NPEPPS: variants seen among roughly 807,000 people sequenced by gnomAD.
NPEPPS encodes aminopeptidase puromycin sensitive.
In NPEPPS, 14 loss-of-function variants were observed where a neutral mutation model predicts 115.5. The ratio of observed to expected loss-of-function variants is 0.12; its 90% CI spans 0.08 to 0.19. NPEPPS has a LOEUF of 0.19. Among genes scored for constraint, NPEPPS ranks in the 10% least tolerant of loss-of-function variants. The pLI is 1.00. For synonymous variants in NPEPPS, 285 were observed against 390.6 expected (o/e 0.73, Z 3.19); for missense variants, 523 against 1,110.8 (o/e 0.47, Z 7.52).
At chr17:47,619,292 G>A (rs779759457) in intron 21 of NPEPPS, 128 bp downstream of exon 21, 43 of 933,994 alleles carry the variant, frequency 4.6e-5, no homozygotes, top group Non-Finnish European at 5.5e-5. Flanking sequence ...AGTGGCTCAC[G>A]CCTGTAATAC....
intron 1 of NPEPPS, among the ~76,000 whole-genome samples, chr17:47,535,040 C>T (rs952155204): frequency 6.7e-6 from 1 of 149,736 alleles, no homozygotes; most frequent in Middle Eastern, 3.5e-3. Flanking sequence ...GTCAGGAGAT[C>T]GAGACCATCC....
intron 2 of NPEPPS, among the ~76,000 whole-genome samples, chr17:47,558,602 G>A (rs1287360885): frequency 7.0e-6 from 1 of 142,494 alleles, no homozygotes; most frequent in African/African-American, 2.6e-5. Context: ...GCTAATTTTT[G>A]TGTTTTTGTA....
intron 12 of NPEPPS, among the ~76,000 whole-genome samples, chr17:47,592,862 G>C (rs1186434134): frequency 6.6e-6 from 1 of 151,840 alleles, no homozygotes; most frequent in Non-Finnish European, 1.5e-5. Flanking sequence ...CCATTAACTC[G>C]TCATTTACAT....
chr17:47,559,047 GAA>G (rs200447312), intron 2 of NPEPPS, among the ~76,000 whole-genome samples: 17 of 130,140 alleles, frequency 1.3e-4, no homozygotes, highest in Admixed American at 3.9e-4. Context: ...CAAAAAAGAG[GAA>G]AAAAAAAAAA....
At chr17:47,554,318 G>C (rs915235188) in intron 2 of NPEPPS, among the ~76,000 whole-genome samples, 1 of 152,056 alleles carries the variant, frequency 6.6e-6, no homozygotes, top group African/African-American at 2.4e-5. Flanking sequence ...GGGATTACAG[G>C]CATGAGCCAC....
chr17:47,536,224 T>G (rs185208729), intron 1 of NPEPPS, among the ~76,000 whole-genome samples: 1 of 152,236 alleles, frequency 6.6e-6, no homozygotes, highest in East Asian at 1.9e-4. Context: ...AGCCAACCCC[T>G]GGCCTCTACT....
chr17:47,546,379 T>C (rs978041039), intron 2 of NPEPPS, among the ~76,000 whole-genome samples: 139 of 152,054 alleles, frequency 9.1e-4, no homozygotes, highest in African/African-American at 3.1e-3. Context: ...TGAGCCATGA[T>C]TGCGCCGCTG....
chr17:47,534,093 A>C (rs1320900034), intron 1 of NPEPPS, among the ~76,000 whole-genome samples: 1 of 152,068 alleles, frequency 6.6e-6, no homozygotes, highest in African/African-American at 2.4e-5. Context: ...ATATTGACAA[A>C]ATTCTTTTTT....
chr17:47,545,650 G>A (rs1313004397), intron 1 of NPEPPS, among the ~76,000 whole-genome samples: 3 of 152,100 alleles, frequency 2.0e-5, no homozygotes, highest in Non-Finnish European at 4.4e-5. Flanking sequence ...CTGGGCTCAA[G>A]CAGTCCTCCC....
At chr17:47,568,195 G>A (rs1597846216) in intron 2 of NPEPPS, among the ~76,000 whole-genome samples, 1 of 143,032 alleles carries the variant, frequency 7.0e-6, no homozygotes, top group Admixed American at 7.3e-5. Context: ...ACAGAGTCTC[G>A]CTCTGTCGCC....
chr17:47,613,119 G>A (rs934712311), intron 18 of NPEPPS, among the ~76,000 whole-genome samples: 2 of 152,128 alleles, frequency 1.3e-5, no homozygotes, highest in Non-Finnish European at 2.9e-5. Flanking sequence ...TTGCAGTGCT[G>A]AAAGGTGATT....
At chr17:47,556,220 G>C (rs1285774579) in intron 2 of NPEPPS, among the ~76,000 whole-genome samples, 1 of 151,332 alleles carries the variant, frequency 6.6e-6, no homozygotes, top group African/African-American at 2.4e-5. Context: ...AGAGGACCCT[G>C]CGGCCTTTTT....
At chr17:47,539,973 G>A (rs1337630061) in intron 1 of NPEPPS, among the ~76,000 whole-genome samples, 1 of 152,062 alleles carries the variant, frequency 6.6e-6, no homozygotes, top group Admixed American at 6.6e-5. Flanking sequence ...GAAATCTCAG[G>A]ACATTGACAA....
chr17:47,556,572 G>A (rs1244337873), intron 2 of NPEPPS, among the ~76,000 whole-genome samples: 1 of 152,158 alleles, frequency 6.6e-6, no homozygotes, highest in Non-Finnish European at 1.5e-5. Flanking sequence ...CGTCATCATG[G>A]CCCGCTCTCA....
chr17:47,527,417 G>A (rs1177639767), upstream of NPEPPS, among the ~76,000 whole-genome samples: 2 of 151,958 alleles, frequency 1.3e-5, no homozygotes, highest in African/African-American at 2.4e-5. Flanking sequence ...CCAGGAGGTG[G>A]AGGTTGCAGT....
At chr17:47,583,992 A>G (rs1454860219) in intron 5 of NPEPPS, among the ~76,000 whole-genome samples, 1 of 151,768 alleles carries the variant, frequency 6.6e-6, no homozygotes, top group Non-Finnish European at 1.5e-5. Flanking sequence ...AGGCTGAGGC[A>G]GGTGGATCAT....
At chr17:47,565,535 C>T (rs373372831) in intron 2 of NPEPPS, among the ~76,000 whole-genome samples, 1,511 of 143,012 alleles carry the variant, frequency 0.011, 10 homozygotes, top group Non-Finnish European at 0.015. Flanking sequence ...AAAGGTGATT[C>T]GAGGCTTCAT....
rs59683199 is a variant in NPEPPS, at chr17:47,585,480, CT to C, written c.649-12del. 0.029 allele frequency: 45,978 copies of C among 1,585,590 alleles called. 1,464 individuals are homozygous for C. The highest frequency in any genetic ancestry group is 0.11 in the African/African-American group (8,351 of 74,182). ...TTAATGTAAACCTATTTAAATTTTTCTTTTTTTTATTTCTTAAAGAATGTAA... is the reference window on the plus strand; with the variant it reads ...TTAATGTAAACCTATTTAAATTTTTCTTTTTTTATTTCTTAAAGAATGTAA... On this transcript the variant is annotated intron_variant, in intron 5 of 22. Transcript: ENST00000322157.
chr17:47,556,073 CTTTTTTTTT>C (rs747406184), intron 2 of NPEPPS, among the ~76,000 whole-genome samples: 1 of 80,736 alleles, frequency 1.2e-5, no homozygotes, highest in Non-Finnish European at 2.6e-5. Flanking sequence ...AAGCAATTCT[CTTTTTTTTT>C]TTTTTTTTTT....
Sources: allele counts gnomAD v4.1 joint callset (sites outside exome capture counted in the v4.1 genomes callset), GRCh38; gene constraint gnomAD v4.1.1; transcripts MANE v1.5; gene names NCBI Gene and HGNC (gene_info 2026-07-23, HGNC 2026-07-21).